The following PLD2 variants were observed in gnomAD, a reference collection of about 807,000 sequenced individuals.
PLD2 encodes phospholipase D2.
A neutral mutation model predicts 119.8 loss-of-function variants in PLD2; 101 were observed. That is an observed-to-expected ratio of 0.84 (90% CI 0.72 to 0.99). The LOEUF (loss-of-function observed/expected upper bound fraction) is 0.99, where lower values mean the gene tolerates loss of function less well. PLD2 is among the 50% of genes least tolerant of loss of function. The pLI, the probability that PLD2 is intolerant of heterozygous loss-of-function variation, is 0.00. For missense variants in PLD2, 1,164 were observed against 1,226.8 expected, an observed-to-expected ratio of 0.95 and a Z score of 0.76; for synonymous variants, 494 against 482.8, an observed-to-expected ratio of 1.02 and a Z score of -0.30.
In PLD2 at chr17:4,807,998, C is replaced by T; in HGVS notation, c.124C>T (p.Pro42Ser). Residue 42 changes from proline to serine, a missense_variant, in exon 3 of 25, where the codon CCG becomes TCG. Pro to Ser is a moderately conservative substitution (Grantham distance 74). Coordinates refer to ENST00000263088, the MANE Select transcript of PLD2 (RefSeq NM_002663.5). This position sits in a 1 kb window ranked among gnomAD's most constrained non-coding sequence, Gnocchi z 5.4. ...TTTCCTCCCAGCCGACCGGATGCAC[C>T]CGTTTCTGGCCATCTATGAGCTTCA... ...EGEDPADRMH[P>S]FLAIYELQSL... 1 of 1,609,186 alleles carries T rather than the reference C, an allele frequency of 6.2e-7. No homozygotes were observed. Among genetic ancestry groups the T allele is most frequent in the African/African-American group, 1.3e-5 (1 of 74,960 alleles).
intron 9 of PLD2, 105 bp from the exon 10 acceptor site, chr17:4,810,697 G>A (rs907563509): frequency 9.1e-7 from 1 of 1,099,716 alleles, no homozygotes. Context: ...TCCCTGTGCA[G>A]TTGTGATTAG....
intron 10 of PLD2, among the ~76,000 whole-genome samples, chr17:4,811,512 G>T (rs1183375316): frequency 6.6e-6 from 1 of 151,878 alleles, no homozygotes; most frequent in Non-Finnish European, 1.5e-5. Flanking sequence ...TCCTGACCTC[G>T]GGTGATCCGC....
In PLD2 at chr17:4,819,866, C is replaced by T. The variant is rs957105239; in HGVS notation, c.2462+284C>T. Among the ~76,000 whole-genome samples the T allele has an allele frequency of 1.3e-5, 2 of 152,182 alleles. No individual in the cohort carries two copies. Among genetic ancestry groups the T allele is most frequent in the East Asian group, 1.9e-4 (1 of 5,172 alleles). Reference sequence around the variant, plus strand: ...ACAAAAAATCAGCTGGGTGTGGTGGCGGGCGCCTGTGATCCCAGCTACTAG... The same window carrying T: ...ACAAAAAATCAGCTGGGTGTGGTGGTGGGCGCCTGTGATCCCAGCTACTAG... On this transcript the variant is annotated intron_variant, in intron 23 of 24. Transcript: ENST00000263088. The surrounding 1 kb of genome is among the most constrained non-coding windows in gnomAD (Gnocchi z 4.2).
rs1465126226 is a variant in PLD2 at position 4,807,595 on chromosome 17, A to AT, written c.-1-176dup. On this transcript the variant is annotated intron_variant, in intron 1 of 24. Transcript: ENST00000263088. This position sits in a 1 kb window ranked among gnomAD's most constrained non-coding sequence, Gnocchi z 5.4. ...TGTGGATGAAGGACTAAGGTAGGGG[A>AT]TGGGGGCTCGAAGGGGTCGGTGGGG... 4.0e-6 allele frequency: 2 copies of AT among 505,814 alleles called. No individual in the cohort carries two copies. The highest frequency in any genetic ancestry group is 3.9e-5 in the African/African-American group (2 of 50,830). 31.3% of individuals were successfully genotyped at this position (505,814 alleles called of 1,614,324 possible).
Position 4,821,868 on chromosome 17 carries a change from G to T in PLD2, c.2538G>T (p.Trp846Cys). The T allele has an allele frequency of 6.2e-7, 1 of 1,613,996 alleles. No homozygotes were observed. The highest frequency in any genetic ancestry group is 8.5e-7 in the Non-Finnish European group (1 of 1,179,926). ...TCTGTGATGACTTCTTCCAGTTGTG[G>T]CAAGACATGGCTGAGAGCAACGCCA... ...DPICDDFFQL[W>C]QDMAESNANI... The change falls in exon 24 of 25, where the codon TGG becomes TGT. Residue 846 changes from tryptophan to cysteine, a missense_variant. Trp to Cys is a radical substitution (Grantham distance 215). Coordinates refer to ENST00000263088, the MANE Select transcript of PLD2 (RefSeq NM_002663.5).
intron 12 of PLD2, 108 bp downstream of exon 12, chr17:4,814,819 G>A (rs1906812450): frequency 3.1e-6 from 3 of 959,350 alleles, no homozygotes; most frequent in Non-Finnish European, 4.9e-6. Context: ...TCAGGGGAGG[G>A]AAAAGTGTCC....
In PLD2 at chr17:4,818,505, G is replaced by A. The variant is rs1268607449; in HGVS notation, c.2021G>A (p.Cys674Tyr). ...CACCCCCTCCCCAGACAGGGGTGGTGTTACCGAGTCTACGTGCTTTTGCCC... is the reference window on the plus strand; with the variant it reads ...CACCCCCTCCCCAGACAGGGGTGGTATTACCGAGTCTACGTGCTTTTGCCC... ...RILKAHKQGWCYRVYVLLPLL... is the reference protein window; with the variant it reads ...RILKAHKQGWYYRVYVLLPLL... The change falls in exon 20 of 25, where the codon TGT (cysteine) becomes TAT (tyrosine). Residue 674 changes from cysteine to tyrosine, a missense_variant. Cys to Tyr is a radical substitution (Grantham distance 194). Transcript: ENST00000263088. The A allele has an allele frequency of 2.5e-6, 4 of 1,613,500 alleles. No individual in the cohort carries two copies. In the Admixed American group the frequency reaches 5.0e-5, roughly 20 times the overall value.
Position 4,807,936 on chromosome 17 carries a change from G to T in PLD2, c.110-48G>T. ...GAGGAGAGGCGTTCGGGAGCCAGGGGGCTGGGGCCTGTTGTGGTCTACACT... is the reference window on the plus strand; with the variant it reads ...GAGGAGAGGCGTTCGGGAGCCAGGGTGCTGGGGCCTGTTGTGGTCTACACT... On this transcript the variant is annotated intron_variant, in intron 2 of 24. Transcript: ENST00000263088. The surrounding 1 kb of genome is among the most constrained non-coding windows in gnomAD (Gnocchi z 5.4). The T allele has an allele frequency of 1.2e-6, 2 of 1,607,292 alleles. No homozygotes were observed. Among genetic ancestry groups the T allele is most frequent in the Middle Eastern group, 1.7e-4 (1 of 6,046 alleles).
chr17:4,807,559 G>GGGGGGCT lies in PLD2; in HGVS notation c.-1-211_-1-210insGGGCTGG. 1 of 427,072 alleles carries GGGGGGCT rather than the reference G, an allele frequency of 2.3e-6. No individual in the cohort carries two copies. The highest frequency in any genetic ancestry group is 4.3e-6 in the Non-Finnish European group (1 of 233,240). 26.5% of individuals were successfully genotyped at this position (427,072 alleles called of 1,614,324 possible). A position where few individuals can be genotyped will look rare whatever the true frequency, so the allele number is the denominator to read the frequency against. ...CGGGACGGGGCGGGGGGCGGGGGGC[G>GGGGGGCT]GGACTGGGATTGTGGATGAAGGACT... On this transcript the variant is annotated intron_variant, in intron 1 of 24. Transcript: ENST00000263088. This position sits in a 1 kb window ranked among gnomAD's most constrained non-coding sequence, Gnocchi z 5.4.
intron 14 of PLD2, 23 bp downstream of exon 14, chr17:4,815,957 G>C: frequency 1.9e-6 from 3 of 1,541,002 alleles, no homozygotes; most frequent in Non-Finnish European, 1.8e-6. Context: ...AGGCCTTCCT[G>C]AGCACCCCCA....
intron 17 of PLD2, among the ~76,000 whole-genome samples, chr17:4,817,757 G>C (rs868712099): frequency 6.6e-6 from 1 of 150,940 alleles, no homozygotes; most frequent in Admixed American, 6.7e-5. Context: ...CGGAGAGCAA[G>C]ACCATCCTGG....
chr17:4,809,493 A>G lies in PLD2; in HGVS notation c.556A>G (p.Thr186Ala). 1 of 1,607,876 alleles carries G rather than the reference A, an allele frequency of 6.2e-7. No individual in the cohort carries two copies. Among genetic ancestry groups the G allele is most frequent in the Non-Finnish European group, 8.5e-7 (1 of 1,176,592 alleles). Residue 186 changes from threonine (T) to alanine (A), a missense_variant and splice_region_variant, in exon 7 of 25, where the codon ACA becomes GCA. Thr to Ala is a moderately conservative substitution (Grantham distance 58, BLOSUM62 0). Transcript: ENST00000263088. ...TCCGGGCTTTTGTTTTCCTCTGCAG[A>G]CAGAGTTCCTGGAAGTCAGTCAGCT... ...MSFYRNYHAM[T>A]EFLEVSQLSF... is the part of the protein sequence containing the mutation.
intron 23 of PLD2, among the ~76,000 whole-genome samples, chr17:4,820,472 T>G (rs556315685): frequency 6.8e-6 from 1 of 147,350 alleles, no homozygotes. Context: ...TTCGCTGTGT[T>G]GGCCAGGCTG....
At chr17:4,817,653 C>T (rs1164084264) in intron 17 of PLD2, among the ~76,000 whole-genome samples, 2 of 146,658 alleles carry the variant, frequency 1.4e-5, no homozygotes, top group African/African-American at 5.1e-5. Flanking sequence ...CAGAGTGAGA[C>T]TCCATCTCAA....
At chr17:4,814,256 G>C (rs1241993275) in intron 10 of PLD2, 162 bp from the exon 11 acceptor site, 20 of 1,099,948 alleles carry the variant, frequency 1.8e-5, no homozygotes, top group Non-Finnish European at 2.0e-5. Flanking sequence ...GCGCATATGG[G>C]CAAACACTAT....
intron 9 of PLD2, 112 bp from the exon 10 acceptor site, chr17:4,810,690 C>A: frequency 9.9e-7 from 1 of 1,010,666 alleles, no homozygotes; most frequent in Non-Finnish European, 1.5e-6. Flanking sequence ...CGCCCTATCC[C>A]TGTGCAGTTG....
At chr17:4,822,341 A>C (rs950487008) in intron 24 of PLD2, among the ~76,000 whole-genome samples, 6 of 151,888 alleles carry the variant, frequency 4.0e-5, no homozygotes, top group Admixed American at 2.0e-4. Flanking sequence ...AAAGTACAAA[A>C]GTTAGCCGGG....
Position 4,822,746 on chromosome 17 carries a change from A to G in PLD2, c.2684A>G (p.Glu895Gly), listed in dbSNP as rs1157052453. 49 of 1,613,906 alleles carry G rather than the reference A, an allele frequency of 3.0e-5. No homozygotes were observed. The highest frequency in any genetic ancestry group is 4.2e-5 in the Non-Finnish European group (49 of 1,179,838). The part of the protein sequence containing the change: ...ATVSPPLARS[E>G]LTQVQGHLVH... ...GTCAGTCCCCCCTTGGCTCGGTCTG[A>G]GCTCACCCAGGTCCAGGGCCACCTG... Residue 895 changes from glutamate to glycine, a missense_variant, in exon 25 of 25, where the codon GAG becomes GGG. Physicochemically the swap from Glu to Gly is moderately conservative, Grantham distance 98. Coordinates refer to ENST00000263088, the MANE Select transcript of PLD2 (RefSeq NM_002663.5).
At chr17:4,811,813 A>T (rs958409829) in intron 10 of PLD2, among the ~76,000 whole-genome samples, 23 of 151,860 alleles carry the variant, frequency 1.5e-4, no homozygotes, top group Admixed American at 1.3e-3. Context: ...ACACAATATT[A>T]ATTTTGTTGG....
Sources: allele counts gnomAD v4.1 joint callset (sites outside exome capture counted in the v4.1 genomes callset), GRCh38; gene constraint gnomAD v4.1.1; non-coding constraint Gnocchi (gnomAD v3.1); transcripts MANE v1.5; gene names NCBI Gene and HGNC (gene_info 2026-07-23, HGNC 2026-07-21).